PRKN: variants seen among roughly 807,000 people sequenced by gnomAD.
PRKN encodes parkin RBR E3 ubiquitin protein ligase, also known as E3 ubiquitin-protein ligase parkin.
In PRKN, 56 loss-of-function variants were observed where a neutral mutation model predicts 59.5. That is an observed-to-expected ratio of 0.94 (90% confidence interval 0.76 to 1.18). The LOEUF (loss-of-function observed/expected upper bound fraction) is 1.18, where lower values mean the gene tolerates loss of function less well. Ranked by LOEUF, PRKN falls within the 50% of genes most tolerant of loss-of-function variation. The pLI, the probability that PRKN is intolerant of heterozygous loss-of-function variation, is 0.00. For missense variants in PRKN, 657 were observed against 596.4 expected, an observed-to-expected ratio of 1.10 and a Z score of -1.06; for synonymous variants, 250 against 222.1, an observed-to-expected ratio of 1.13 and a Z score of -1.12.
chr6:162,727,726 C>G lies in PRKN; in HGVS notation c.-58G>C. The G allele has an allele frequency of 6.5e-7, 1 of 1,535,748 alleles. No individual in the cohort carries two copies. Among genetic ancestry groups the G allele is most frequent in the Non-Finnish European group, 8.8e-7 (1 of 1,134,128 alleles). On this transcript the variant is annotated 5_prime_UTR_variant, in exon 1 of 12. Coordinates refer to ENST00000366898, the MANE Select transcript of PRKN (RefSeq NM_004562.3). The stretch of plus-strand genomic sequence containing the variant: ...AACAGGCCCATGCGCGCAGCGGCGC[C>G]AGCCGCGCCTCCCACCAGCGGCTCT...
chr6:161,572,348 G>C (rs1780921914), intron 7 of PRKN, among the ~76,000 whole-genome samples: 1 of 152,094 alleles, frequency 6.6e-6, no homozygotes, highest in Non-Finnish European at 1.5e-5. Context: ...GTGTAAACAG[G>C]TGATGCCACC....
intron 4 of PRKN, among the ~76,000 whole-genome samples, chr6:162,088,774 A>T (rs947611732): frequency 5.9e-5 from 9 of 152,224 alleles, no homozygotes; most frequent in African/African-American, 1.9e-4. Context: ...ATACCTTGGT[A>T]AGTTCAACCA....
At chr6:162,379,766 C>A (rs1786326987) in intron 2 of PRKN, among the ~76,000 whole-genome samples, 1 of 152,146 alleles carries the variant, frequency 6.6e-6, no homozygotes, top group Non-Finnish European at 1.5e-5. Context: ...TATGAGCAGA[C>A]AATAGATTTT....
rs1049457948 is a variant in PRKN at position 161,467,122 on chromosome 6, T to C, written c.1084-80245A>G. On this transcript the variant is annotated intron_variant, in intron 9 of 11. Coordinates refer to ENST00000366898, the MANE Select transcript of PRKN (RefSeq NM_004562.3). The surrounding 1 kb of genome is among the most constrained non-coding windows in gnomAD (Gnocchi z 4.3). ...AAAAAGCCTCTCTCATTACTGCTCA[T>C]CAGTGTCCTGCTGCTGGGGGAGCCA... Among the ~76,000 whole-genome samples, 1 of 152,206 alleles carries C rather than the reference T, an allele frequency of 6.6e-6. No individual in the cohort carries two copies. The highest frequency in any genetic ancestry group is 2.4e-5 in the African/African-American group (1 of 41,474).
intron 2 of PRKN, among the ~76,000 whole-genome samples, chr6:162,308,531 G>C (rs1782337350): frequency 6.6e-6 from 1 of 152,100 alleles, no homozygotes; most frequent in African/African-American, 2.4e-5. Context: ...ATTGATGCAG[G>C]CAAATTCATT....
chr6:161,552,021 A>G lies in PRKN; in HGVS notation c.934-3018T>C, dbSNP rs1780037268. ...GAGGGGTACTGGGATTTGAGGAAGA[A>G]GAAACGTATGAGTGATGAAGGAAGG... On this transcript the variant is annotated intron_variant, in intron 8 of 11. Transcript: ENST00000366898. The surrounding 1 kb of genome is among the most constrained non-coding windows in gnomAD (Gnocchi z 4.9). Among the ~76,000 whole-genome samples, 1 of 152,106 alleles carries G rather than the reference A, an allele frequency of 6.6e-6. No homozygotes were observed. The highest frequency in any genetic ancestry group is 2.4e-5 in the African/African-American group (1 of 41,430).
chr6:161,848,552 T>C lies in PRKN; in HGVS notation c.735-62644A>G, dbSNP rs571141634. On this transcript the variant is annotated intron_variant, in intron 6 of 11. Coordinates refer to ENST00000366898, the MANE Select transcript of PRKN (RefSeq NM_004562.3). The stretch of plus-strand genomic sequence containing the variant: ...ATAAAATCAACTCCATCTATATGTA[T>C]GTCTTTTAGAAATACGTCTCAGTTT... Among the ~76,000 whole-genome samples, 4 of 152,368 alleles carry C rather than the reference T, an allele frequency of 2.6e-5. No homozygotes were observed. The South Asian group carries it at 8.3e-4, about 32-fold the overall frequency.
At chr6:161,972,995 T>C (rs562989581) in intron 6 of PRKN, among the ~76,000 whole-genome samples, 1 of 152,378 alleles carries the variant, frequency 6.6e-6, no homozygotes, top group Non-Finnish European at 1.5e-5. Context: ...CTCAAATATG[T>C]GAGCTTATAT....
At position 161,448,588 on chromosome 6, in the gene PRKN, C is replaced by T. The variant is rs771471881; in HGVS notation, c.1084-61711G>A. On this transcript the variant is annotated intron_variant, in intron 9 of 11. Coordinates refer to ENST00000366898, the MANE Select transcript of PRKN (RefSeq NM_004562.3). The surrounding 1 kb of genome is among the most constrained non-coding windows in gnomAD (Gnocchi z 5.1). ...CTCTTCTTTCTCTTTCTCTGTCCCCCGAGGTAGCATCTATGCTGACGTTCC... is the reference window on the plus strand; with the variant it reads ...CTCTTCTTTCTCTTTCTCTGTCCCCTGAGGTAGCATCTATGCTGACGTTCC... 5.3e-5 allele frequency among the ~76,000 whole-genome samples: 8 copies of T among 152,164 alleles called. No homozygotes were observed. Among genetic ancestry groups the T allele is most frequent in the Non-Finnish European group, 1.2e-4 (8 of 68,028 alleles).
At chr6:161,783,609 A>G (rs112312934) in intron 7 of PRKN, 10 of 494,614 alleles carry the variant, frequency 2.0e-5, no homozygotes, top group African/African-American at 1.6e-4. Context: ...AAAAAGATAG[A>G]GTGTGAAGGG....
At chr6:162,239,312 T>C (rs1778887201) in intron 3 of PRKN, among the ~76,000 whole-genome samples, 1 of 152,212 alleles carries the variant, frequency 6.6e-6, no homozygotes, top group Non-Finnish European at 1.5e-5. Context: ...TTTTCCTGGC[T>C]CTAATTTGTT....
At chr6:162,410,685 C>T (rs1788312310) in intron 2 of PRKN, among the ~76,000 whole-genome samples, 1 of 152,170 alleles carries the variant, frequency 6.6e-6, no homozygotes, top group Non-Finnish European at 1.5e-5. Flanking sequence ...AAACCATGCC[C>T]CTTTTGTGAT....
At chr6:161,746,276 G>A (rs920515214) in intron 7 of PRKN, among the ~76,000 whole-genome samples, 2 of 152,070 alleles carry the variant, frequency 1.3e-5, no homozygotes, top group African/African-American at 4.8e-5. Context: ...TTTTGTAGGT[G>A]TTCTTCAAGA....
chr6:161,828,252 TA>T (rs1287725427), intron 6 of PRKN, among the ~76,000 whole-genome samples: 1 of 152,240 alleles, frequency 6.6e-6, no homozygotes, highest in Non-Finnish European at 1.5e-5. Context: ...AATAAAGCCT[TA>T]CCAGTAACTA....
At chr6:161,970,366 T>C (rs1226025949) in intron 6 of PRKN, among the ~76,000 whole-genome samples, 1 of 151,034 alleles carries the variant, frequency 6.6e-6, no homozygotes, top group African/African-American at 2.4e-5. Context: ...TTTATCATAA[T>C]GTCCTGCTAA....
chr6:161,849,320 T>C (rs1793330852), intron 6 of PRKN, among the ~76,000 whole-genome samples: 1 of 152,214 alleles, frequency 6.6e-6, no homozygotes, highest in Non-Finnish European at 1.5e-5. Context: ...TAGAATTCTT[T>C]TTTGTCTTAA....
intron 6 of PRKN, among the ~76,000 whole-genome samples, chr6:161,917,082 G>A (rs1226792486): frequency 1.3e-5 from 2 of 151,996 alleles, no homozygotes; most frequent in African/African-American, 4.8e-5. Flanking sequence ...GATTACAGGC[G>A]TGAGCCACCG....
rs1227118114 is a variant in PRKN at position 161,349,877 on chromosome 6, GC to G, written c.*221del. The G allele has an allele frequency of 1.7e-6, 1 of 603,272 alleles. No individual in the cohort carries two copies. The highest frequency in any genetic ancestry group is 3.0e-6 in the Non-Finnish European group (1 of 331,692). The allele number at this position is 603,272 out of a possible 1,614,324, so 37.4% of individuals were successfully genotyped here. ...TGGACAAACTGAAAGGGATTCAGGAGCTTCTTCTGTAATTTTACTCTGCTGT... is the reference window on the plus strand; with the variant it reads ...TGGACAAACTGAAAGGGATTCAGGAGTTCTTCTGTAATTTTACTCTGCTGT... On this transcript the variant is annotated 3_prime_UTR_variant, in exon 12 of 12. Coordinates refer to ENST00000366898, the MANE Select transcript of PRKN (RefSeq NM_004562.3). This position sits in a 1 kb window ranked among gnomAD's most constrained non-coding sequence, Gnocchi z 5.5.
At chr6:161,792,493 A>G (rs1171779399) in intron 6 of PRKN, among the ~76,000 whole-genome samples, 1 of 152,250 alleles carries the variant, frequency 6.6e-6, no homozygotes, top group African/African-American at 2.4e-5. Flanking sequence ...AGTGGAAAGC[A>G]AAGTTATTAC....
Sources: allele counts gnomAD v4.1 joint callset (sites outside exome capture counted in the v4.1 genomes callset), GRCh38; gene constraint gnomAD v4.1.1; non-coding constraint Gnocchi (gnomAD v3.1); transcripts MANE v1.5; gene names NCBI Gene and HGNC (gene_info 2026-07-23, HGNC 2026-07-21).